Variants in IGF2BP2 observed in about 807,000 individuals in gnomAD.
IGF2BP2 encodes insulin like growth factor 2 mRNA binding protein 2, also known as insulin-like growth factor 2 mRNA-binding protein 2.
IGF2BP2 carries 17 observed loss-of-function variants against 75.8 expected under a neutral mutation model. The ratio of observed to expected loss-of-function variants is 0.22; its 90% CI spans 0.15 to 0.34. The LOEUF (loss-of-function observed/expected upper bound fraction) is 0.34. Among genes scored for constraint, IGF2BP2 ranks in the 10% least tolerant of loss-of-function variants. The pLI, the probability that IGF2BP2 is intolerant of heterozygous loss-of-function variation, is 1.00. For synonymous variants in IGF2BP2, 288 were observed against 295.6 expected, an observed-to-expected ratio of 0.97 and a Z score of 0.26; for missense variants, 516 against 772.4, an observed-to-expected ratio of 0.67 and a Z score of 3.93.
chr3:185,805,929 C>T (rs990587595), intron 2 of IGF2BP2, among the ~76,000 whole-genome samples: 2 of 151,970 alleles, frequency 1.3e-5, no homozygotes, highest in African/African-American at 4.8e-5. Flanking sequence ...CACCACCCCC[C>T]ACCCCCAGCT....
At chr3:185,756,795 A>G (rs1731680532) in intron 2 of IGF2BP2, among the ~76,000 whole-genome samples, 1 of 152,140 alleles carries the variant, frequency 6.6e-6, no homozygotes, top group African/African-American at 2.4e-5. Flanking sequence ...AAACACAGCA[A>G]AACTCCATCT....
intron 2 of IGF2BP2, among the ~76,000 whole-genome samples, chr3:185,760,618 C>T (rs917159387): frequency 2.6e-4 from 39 of 152,142 alleles, no homozygotes; most frequent in African/African-American, 8.9e-4. Context: ...TTTGCCTTTC[C>T]GGACATTCTT....
intron 10 of IGF2BP2, among the ~76,000 whole-genome samples, chr3:185,660,242 C>T (rs1269756077): frequency 6.6e-6 from 1 of 152,190 alleles, no homozygotes; most frequent in Non-Finnish European, 1.5e-5. Context: ...CCCACAGGCC[C>T]ACCCTGCAAG....
At chr3:185,713,547 C>T (rs1008290880) in intron 2 of IGF2BP2, 2 of 506,668 alleles carry the variant, frequency 3.9e-6, no homozygotes, top group Non-Finnish European at 7.8e-6. Flanking sequence ...GCTGGTGAGA[C>T]ATCAGAATGA....
At chr3:185,786,305 C>G (rs539072689) in intron 2 of IGF2BP2, among the ~76,000 whole-genome samples, 1 of 152,014 alleles carries the variant, frequency 6.6e-6, no homozygotes, top group Non-Finnish European at 1.5e-5. Context: ...TTCGTAGAAC[C>G]TGTCAGGCCT....
rs1012401948 is a variant in IGF2BP2 at position 185,643,798 on chromosome 3, T to G, written c.*1733A>C. 9.4e-5 allele frequency: 14 copies of G among 149,166 alleles called. No homozygotes were observed. The South Asian group carries it at 2.3e-3, about 25-fold the overall frequency. 9.2% of individuals were successfully genotyped at this position (149,166 alleles called of 1,614,324 possible). Reference sequence around the variant, plus strand: ...TTTTTTCTTTTTTTTTTTTTTTTTTTTGTCACAGAACACTGTTTGCAGTAG... The same window carrying G: ...TTTTTTCTTTTTTTTTTTTTTTTTTGTGTCACAGAACACTGTTTGCAGTAG... On this transcript the variant is annotated 3_prime_UTR_variant, in exon 16 of 16. Transcript: ENST00000382199.
chr3:185,657,951 C>T (rs1179328666), intron 11 of IGF2BP2, among the ~76,000 whole-genome samples: 1 of 152,194 alleles, frequency 6.6e-6, no homozygotes, highest in Non-Finnish European at 1.5e-5. Context: ...TTGGGCAAGG[C>T]TGCCAGGGGT....
chr3:185,731,467 G>A (rs1465384000), intron 2 of IGF2BP2, among the ~76,000 whole-genome samples: 3 of 151,722 alleles, frequency 2.0e-5, no homozygotes, highest in Admixed American at 1.3e-4. Flanking sequence ...TGGCCAGGCT[G>A]GTCTTGAACT....
chr3:185,646,473 A>C (rs1033305831), intron 15 of IGF2BP2, among the ~76,000 whole-genome samples: 2 of 152,216 alleles, frequency 1.3e-5, no homozygotes, highest in Admixed American at 6.5e-5. Flanking sequence ...TCAATTTACA[A>C]AAGCATCAAA....
Position 185,649,496 on chromosome 3 carries a change from G to A in IGF2BP2, c.1500C>T (p.Asn500=). The change falls in exon 14 of 16, where the codon AAC becomes AAT. Residue 500 remains asparagine (N), a synonymous_variant. Transcript: ENST00000382199. The part of the protein sequence containing the change: ...GRIFGKLKEE[N]FFNPKEEVKL... ...TCACTTCTTCTTTGGGGTTAAAGAA[G>A]TTTTCCTCTTTCAGTTTCCCAAAGA... 1 of 1,614,218 alleles carries A rather than the reference G, an allele frequency of 6.2e-7. No homozygotes were observed. Among genetic ancestry groups the A allele is most frequent in the Non-Finnish European group, 8.5e-7 (1 of 1,180,050 alleles).
intron 13 of IGF2BP2, among the ~76,000 whole-genome samples, chr3:185,651,745 C>T (rs567352159): frequency 3.8e-4 from 58 of 152,328 alleles, no homozygotes; most frequent in African/African-American, 1.3e-3. Flanking sequence ...CTTCCCCTTA[C>T]ACCTGTGTTA....
intron 5 of IGF2BP2, among the ~76,000 whole-genome samples, chr3:185,691,514 G>A (rs1721950861): frequency 1.3e-5 from 2 of 152,176 alleles, no homozygotes; most frequent in South Asian, 4.1e-4. Flanking sequence ...ATATAGCCAA[G>A]GTTATGCCAC....
At position 185,675,274 on chromosome 3, in the gene IGF2BP2, G is replaced by A. The variant is rs200070587; in HGVS notation, c.1071+22C>T. On this transcript the variant is annotated intron_variant, in intron 9 of 15. Coordinates refer to ENST00000382199, the MANE Select transcript of IGF2BP2 (RefSeq NM_006548.6). ...TTTTAGCCTAGTGAAAACCAGCGGA[G>A]AAGAAAGCATTAGGGACTTACGTTA... is the stretch of plus-strand genomic sequence containing the variant. 102 of 1,596,484 alleles carry A rather than the reference G, an allele frequency of 6.4e-5. No individual in the cohort carries two copies. The East Asian group carries it at 2.1e-3, about 33-fold the overall frequency.
chr3:185,806,224 A>G (rs1382884291), intron 2 of IGF2BP2, among the ~76,000 whole-genome samples: 1 of 152,228 alleles, frequency 6.6e-6, no homozygotes, highest in African/African-American at 2.4e-5. Flanking sequence ...TTGTGAAAAA[A>G]TATTTCAAGA....
intron 2 of IGF2BP2, among the ~76,000 whole-genome samples, chr3:185,721,686 A>T (rs1342926110): frequency 2.0e-5 from 3 of 152,142 alleles, no homozygotes; most frequent in African/African-American, 7.2e-5. Context: ...TCTAAGCCTC[A>T]AGTAGGTCTC....
intron 2 of IGF2BP2, among the ~76,000 whole-genome samples, chr3:185,764,126 T>C (rs774634754): frequency 6.6e-6 from 1 of 152,116 alleles, no homozygotes; most frequent in Admixed American, 6.6e-5. Flanking sequence ...ATAACACTTT[T>C]CTTAAAAAAT....
At chr3:185,805,917 C>T (rs937419207) in intron 2 of IGF2BP2, among the ~76,000 whole-genome samples, 2 of 151,532 alleles carry the variant, frequency 1.3e-5, no homozygotes, top group African/African-American at 4.9e-5. Context: ...ATTACAGGTG[C>T]CCACCACCCC....
chr3:185,736,431 A>C (rs1728860247), intron 2 of IGF2BP2, among the ~76,000 whole-genome samples: 1 of 152,166 alleles, frequency 6.6e-6, no homozygotes, highest in Non-Finnish European at 1.5e-5. Context: ...CAAGGTGAAC[A>C]CTTTTTACAG....
chr3:185,814,961 A>G (rs1297454279), intron 2 of IGF2BP2, among the ~76,000 whole-genome samples: 1 of 152,190 alleles, frequency 6.6e-6, no homozygotes, highest in Non-Finnish European at 1.5e-5. Context: ...ATATTTTTAA[A>G]AATACATATA....
Sources: allele counts gnomAD v4.1 joint callset (sites outside exome capture counted in the v4.1 genomes callset), GRCh38; gene constraint gnomAD v4.1.1; transcripts MANE v1.5; gene names NCBI Gene and HGNC (gene_info 2026-07-23, HGNC 2026-07-21).